STPG2: variants seen among roughly 807,000 people sequenced by gnomAD.
The protein encoded by STPG2 is sperm tail PG-rich repeat containing 2, also known as sperm-tail PG-rich repeat-containing protein 2.
A neutral mutation model predicts 54.2 loss-of-function variants in STPG2; 56 were observed. The observed-to-expected ratio is 1.03, with a 90% confidence interval of 0.83 to 1.29. The LOEUF (loss-of-function observed/expected upper bound fraction) is 1.29, where lower values mean the gene tolerates loss of function less well. Among genes scored for constraint, STPG2 ranks in the 50% most tolerant of loss-of-function variants. The pLI is 0.00. For synonymous variants in STPG2, 200 were observed against 181.8 expected (o/e 1.10, Z -0.81); for missense variants, 596 against 544.9 (o/e 1.09, Z -0.93).
intron 4 of STPG2, among the ~76,000 whole-genome samples, chr4:97,486,860 A>AACACACACACACACACAC (rs772458069): frequency 3.2e-5 from 4 of 125,578 alleles, no homozygotes; most frequent in African/African-American, 1.2e-4. Context: ...TATGTATACA[A>AACACACACACACACACAC]ACACACACAC....
intron 4 of STPG2, among the ~76,000 whole-genome samples, chr4:97,476,669 G>C (rs929513981): frequency 6.6e-6 from 1 of 152,050 alleles, no homozygotes; most frequent in Admixed American, 6.5e-5. Context: ...TCTTTAAATT[G>C]TTTTAATGTG....
chr4:97,820,470 C>T (rs1728050839), intron 9 of STPG2, among the ~76,000 whole-genome samples: 1 of 152,146 alleles, frequency 6.6e-6, no homozygotes, highest in Admixed American at 6.5e-5. Flanking sequence ...ACGACAGTAG[C>T]TAGACCTCTT....
intron 10 of STPG2, among the ~76,000 whole-genome samples, chr4:97,634,017 C>A (rs553776758): frequency 1.3e-5 from 2 of 152,082 alleles, no homozygotes; most frequent in Non-Finnish European, 2.9e-5. Context: ...GCGTGCCTCT[C>A]TAGGCTCCAC....
intron 4 of STPG2, among the ~76,000 whole-genome samples, chr4:97,476,200 G>T (rs1578328007): frequency 6.6e-6 from 1 of 151,970 alleles, no homozygotes; most frequent in South Asian, 2.1e-4. Context: ...TATATGTTCA[G>T]GTTTTATTTG....
At chr4:97,835,463 T>C (rs1446332251) in intron 9 of STPG2, among the ~76,000 whole-genome samples, 1 of 152,134 alleles carries the variant, frequency 6.6e-6, no homozygotes, top group Non-Finnish European at 1.5e-5. Context: ...TTTATTTTCT[T>C]AATAAACTTG....
At chr4:97,459,559 C>T (rs1254314479) in intron 4 of STPG2, among the ~76,000 whole-genome samples, 1 of 151,634 alleles carries the variant, frequency 6.6e-6, no homozygotes, top group East Asian at 1.9e-4. Flanking sequence ...CCTGCCTCAG[C>T]CTCCCCAGTA....
intron 10 of STPG2, among the ~76,000 whole-genome samples, chr4:97,622,598 T>C (rs987468179): frequency 1.3e-5 from 2 of 151,958 alleles, no homozygotes; most frequent in Admixed American, 6.6e-5. Context: ...TACAAAACAC[T>C]GCACAAAGAA....
At chr4:97,788,763 A>G (rs2149078535) in intron 9 of STPG2, among the ~76,000 whole-genome samples, 1 of 152,172 alleles carries the variant, frequency 6.6e-6, no homozygotes, top group Admixed American at 6.5e-5. Context: ...TGCAGAACAT[A>G]TAAGATGCCC....
At chr4:97,744,167 T>C (rs1440374603) in intron 9 of STPG2, among the ~76,000 whole-genome samples, 2 of 151,612 alleles carry the variant, frequency 1.3e-5, no homozygotes, top group East Asian at 1.9e-4. Context: ...ATGAGAATAA[T>C]GAAACAATGG....
chr4:97,807,076 T>C (rs1727589214), intron 9 of STPG2, among the ~76,000 whole-genome samples: 1 of 151,824 alleles, frequency 6.6e-6, no homozygotes, highest in Non-Finnish European at 1.5e-5. Context: ...AGTTAATTTG[T>C]TTCCAATGTT....
chr4:97,544,549 G>C (rs1235699140), intron 4 of STPG2, among the ~76,000 whole-genome samples: 1 of 151,988 alleles, frequency 6.6e-6, no homozygotes, highest in Non-Finnish European at 1.5e-5. Context: ...TCAGCAATTA[G>C]AGCAATCCAG....
intron 10 of STPG2, among the ~76,000 whole-genome samples, chr4:97,602,948 T>C (rs1176046246): frequency 6.6e-6 from 1 of 151,748 alleles, no homozygotes; most frequent in Non-Finnish European, 1.5e-5. Flanking sequence ...GTTACATTTC[T>C]GGCTGGTTTA....
At chr4:97,984,255 G>A (rs928544312) in intron 5 of STPG2, among the ~76,000 whole-genome samples, 3 of 151,892 alleles carry the variant, frequency 2.0e-5, no homozygotes, top group African/African-American at 4.8e-5. Flanking sequence ...GAGGATTCTC[G>A]TGCCTCAGCC....
At chr4:97,929,869 A>C (rs1420612091) in intron 8 of STPG2, among the ~76,000 whole-genome samples, 1 of 151,880 alleles carries the variant, frequency 6.6e-6, no homozygotes, top group African/African-American at 2.4e-5. Context: ...TGGAGCTCTT[A>C]AGTTTAATCA....
chr4:97,689,128 G>T (rs1723287264), intron 10 of STPG2, among the ~76,000 whole-genome samples: 1 of 151,814 alleles, frequency 6.6e-6, no homozygotes, highest in South Asian at 2.1e-4. Context: ...CAACTTTTTG[G>T]TCACAAAAAA....
intron 3 of STPG2, among the ~76,000 whole-genome samples, chr4:98,118,072 T>TAA (rs1739573313): frequency 3.9e-5 from 6 of 152,126 alleles, no homozygotes; most frequent in African/African-American, 1.2e-4. Context: ...TGAGGGTTTG[T>TAA]TTAGTGATTT....
intron 5 of STPG2, among the ~76,000 whole-genome samples, chr4:98,057,026 C>T (rs34671152): frequency 0.39 from 59,949 of 151,970 alleles, 12,063 homozygotes; most frequent in Middle Eastern, 0.46. Context: ...TAGTTCTTTA[C>T]AGCAGTGTGC....
intron 10 of STPG2, among the ~76,000 whole-genome samples, chr4:97,610,155 C>G (rs1223570318): frequency 1.3e-5 from 2 of 151,886 alleles, no homozygotes; most frequent in Non-Finnish European, 2.9e-5. Flanking sequence ...AAAATAAAAC[C>G]AACAAAGCAG....
At chr4:98,076,086 T>C (rs1308913226) in intron 5 of STPG2, among the ~76,000 whole-genome samples, 2 of 151,936 alleles carry the variant, frequency 1.3e-5, no homozygotes, top group Admixed American at 1.3e-4. Context: ...CTACTAAAAA[T>C]ACAAAAAATT....
Sources: allele counts gnomAD v4.1 joint callset (sites outside exome capture counted in the v4.1 genomes callset), GRCh38; gene constraint gnomAD v4.1.1; transcripts MANE v1.5; gene names NCBI Gene and HGNC (gene_info 2026-07-23, HGNC 2026-07-21).